Variants in NEDD4L observed in about 807,000 individuals in gnomAD.
NEDD4L encodes NEDD4 like E3 ubiquitin protein ligase.
NEDD4L carries 54 observed loss-of-function variants against 148.9 expected under a neutral mutation model. The observed-to-expected ratio is 0.36, with a 90% CI of 0.29 to 0.45. NEDD4L has a LOEUF of 0.45. Among genes scored for constraint, NEDD4L ranks in the 20% least tolerant of loss-of-function variants. The probability of loss-of-function intolerance (pLI) is 1.00; values close to 1 mark genes in which losing one functional copy is unlikely to be tolerated. For synonymous variants in NEDD4L, 433 were observed against 440.7 expected, an observed-to-expected ratio of 0.98 and a Z score of 0.22; for missense variants, 856 against 1,233.8, an observed-to-expected ratio of 0.69 and a Z score of 4.59.
At chr18:58,104,343 G>A (rs976183662) in intron 1 of NEDD4L, among the ~76,000 whole-genome samples, 2 of 152,204 alleles carry the variant, frequency 1.3e-5, no homozygotes, top group African/African-American at 4.8e-5. Flanking sequence ...GGGCGCGGTA[G>A]GGAAATGAGG....
rs890120684 is a variant in NEDD4L at position 58,230,196 on chromosome 18, T to G, written c.123-15231T>G. Among the ~76,000 whole-genome samples, 7 of 152,230 alleles carry G rather than the reference T, an allele frequency of 4.6e-5. 1 individual carries two copies. The highest frequency in any genetic ancestry group is 1.7e-4 in the African/African-American group (7 of 41,458). On this transcript the variant is annotated intron_variant, in intron 2 of 30. Transcript: ENST00000400345. ...GTGATTACTAACAGCCTCATCAGGTTTCTGGAATTAAATGTTTTATTATTT... is the reference window on the plus strand; with the variant it reads ...GTGATTACTAACAGCCTCATCAGGTGTCTGGAATTAAATGTTTTATTATTT...
chr18:58,106,557 C>CTT (rs2145586602), intron 1 of NEDD4L, among the ~76,000 whole-genome samples: 1 of 152,254 alleles, frequency 6.6e-6, no homozygotes, highest in East Asian at 1.9e-4. Flanking sequence ...TTTGGGCAAG[C>CTT]CACTTGCCTC....
chr18:58,057,724 A>G (rs986306655), intron 1 of NEDD4L, among the ~76,000 whole-genome samples: 2 of 152,186 alleles, frequency 1.3e-5, no homozygotes, highest in Non-Finnish European at 2.9e-5. Flanking sequence ...AATGGCAGCC[A>G]GTGATCTCAC....
chr18:58,385,225 GTTAAAGCAT>G (rs1299636935), intron 25 of NEDD4L, among the ~76,000 whole-genome samples: 1 of 152,166 alleles, frequency 6.6e-6, no homozygotes, highest in African/African-American at 2.4e-5. Flanking sequence ...TTTTAAAGCA[GTTAAAGCAT>G]TTAAAGCATT....
At chr18:58,368,552 GT>G (rs1237122981) in intron 22 of NEDD4L, among the ~76,000 whole-genome samples, 1 of 152,228 alleles carries the variant, frequency 6.6e-6, no homozygotes, top group African/African-American at 2.4e-5. Context: ...AGGTAGAGTG[GT>G]TGAGGATGGG....
intron 19 of NEDD4L, among the ~76,000 whole-genome samples, chr18:58,364,066 T>A (rs2045830168): frequency 6.6e-6 from 1 of 152,206 alleles, no homozygotes; most frequent in Non-Finnish European, 1.5e-5. Flanking sequence ...GGGTGAAAGC[T>A]GCATTCAAAG....
chr18:58,349,276 A>G (rs1048424878), intron 16 of NEDD4L, among the ~76,000 whole-genome samples: 1 of 151,994 alleles, frequency 6.6e-6, no homozygotes, highest in Non-Finnish European at 1.5e-5. Flanking sequence ...TCCCCTTCTC[A>G]AGGTCTCAGG....
At chr18:58,203,580 TA>T (rs74492271) in intron 2 of NEDD4L, among the ~76,000 whole-genome samples, 3,872 of 151,654 alleles carry the variant, frequency 0.026, 140 homozygotes, top group East Asian at 0.14. Flanking sequence ...GTTTTCTTTT[TA>T]AAGACAGCTT....
At chr18:58,287,940 A>G (rs893190402) in intron 5 of NEDD4L, among the ~76,000 whole-genome samples, 1 of 152,254 alleles carries the variant, frequency 6.6e-6, no homozygotes, top group Non-Finnish European at 1.5e-5. Context: ...TCAGTCATGC[A>G]TATGTAATCG....
intron 1 of NEDD4L, among the ~76,000 whole-genome samples, chr18:58,099,186 C>CTTTTTTTTTTTTTTT (rs1011982856): frequency 6.1e-5 from 9 of 147,702 alleles, no homozygotes; most frequent in African/African-American, 2.2e-4. Context: ...CCCCAGTGTC[C>CTTTTTTTTTTTTTTT]TTTTTTTTTT....
intron 5 of NEDD4L, among the ~76,000 whole-genome samples, chr18:58,253,389 C>G (rs2048146999): frequency 6.6e-6 from 1 of 152,192 alleles, no homozygotes; most frequent in Admixed American, 6.5e-5. Flanking sequence ...TTTTGGCCTA[C>G]CATCCTAGTA....
chr18:58,059,196 A>G (rs1234684105), intron 1 of NEDD4L, among the ~76,000 whole-genome samples: 1 of 152,034 alleles, frequency 6.6e-6, no homozygotes, highest in African/African-American at 2.4e-5. Flanking sequence ...CCTAAAGTTC[A>G]GGGATGACAC....
chr18:58,352,889 A>G (rs1216173357), intron 18 of NEDD4L, among the ~76,000 whole-genome samples: 1 of 152,216 alleles, frequency 6.6e-6, no homozygotes, highest in Non-Finnish European at 1.5e-5. Flanking sequence ...CGTATACCGC[A>G]AGGAGCCAAA....
chr18:58,084,671 T>TTTTGTG (rs1555686018), intron 1 of NEDD4L, among the ~76,000 whole-genome samples: 9 of 133,824 alleles, frequency 6.7e-5, no homozygotes, highest in South Asian at 2.6e-4. Flanking sequence ...TGTGGGGTTT[T>TTTTGTG]TGTGTGTGTG....
chr18:58,212,212 G>C (rs574328658), intron 2 of NEDD4L, among the ~76,000 whole-genome samples: 2 of 152,236 alleles, frequency 1.3e-5, no homozygotes, highest in South Asian at 4.2e-4. Context: ...CTGCAGCCTT[G>C]ACCTCCCAGA....
intron 25 of NEDD4L, among the ~76,000 whole-genome samples, chr18:58,384,375 G>A (rs7242486): frequency 0.55 from 84,321 of 152,012 alleles, 23,577 homozygotes; most frequent in South Asian, 0.63. Flanking sequence ...AAGGTACCTC[G>A]GTTCTTACCT....
chr18:58,092,423 G>A (rs2084126618), intron 1 of NEDD4L, among the ~76,000 whole-genome samples: 1 of 152,166 alleles, frequency 6.6e-6, no homozygotes, highest in Admixed American at 6.5e-5. Context: ...GCGGTTCTCG[G>A]GCACAGTATG....
At chr18:58,061,628 C>T (rs891371469) in intron 1 of NEDD4L, among the ~76,000 whole-genome samples, 4 of 152,212 alleles carry the variant, frequency 2.6e-5, no homozygotes, top group Admixed American at 6.5e-5. Context: ...CTCCTTTAGA[C>T]GTTGACTTTC....
At chr18:58,055,979 T>C (rs1203316682) in intron 1 of NEDD4L, among the ~76,000 whole-genome samples, 1 of 152,180 alleles carries the variant, frequency 6.6e-6, no homozygotes, top group African/African-American at 2.4e-5. Context: ...GGTTTAGATA[T>C]CAAAGTGATA....
Sources: allele counts gnomAD v4.1 joint callset (sites outside exome capture counted in the v4.1 genomes callset), GRCh38; gene constraint gnomAD v4.1.1; transcripts MANE v1.5; gene names NCBI Gene and HGNC (gene_info 2026-07-23, HGNC 2026-07-21).